The following MACROD2 variants were observed in gnomAD, a reference collection of about 807,000 sequenced individuals.
MACROD2 encodes the protein mono-ADP ribosylhydrolase 2, also known as ADP-ribose glycohydrolase MACROD2.
MACROD2 carries 36 observed loss-of-function variants against 70.4 expected under a neutral mutation model. The observed-to-expected ratio is 0.51, with a 90% CI of 0.39 to 0.68. MACROD2 has a LOEUF of 0.68. Ranked by LOEUF, MACROD2 falls within the 30% of genes least tolerant of loss-of-function variation. The pLI, the probability that MACROD2 is intolerant of heterozygous loss-of-function variation, is 0.00. For synonymous variants in MACROD2, 172 were observed against 178.8 expected, an observed-to-expected ratio of 0.96 and a Z score of 0.30; for missense variants, 496 against 538.4, an observed-to-expected ratio of 0.92 and a Z score of 0.78.
intron 3 of MACROD2, among the ~76,000 whole-genome samples, chr20:14,423,888 G>A (rs2083905456): frequency 6.8e-6 from 1 of 146,876 alleles, no homozygotes; most frequent in African/African-American, 2.5e-5. Context: ...CCAGCCTCCC[G>A]AGTAGCTGGC....
At chr20:14,792,944 T>C (rs1448978025) in intron 5 of MACROD2, among the ~76,000 whole-genome samples, 1 of 152,214 alleles carries the variant, frequency 6.6e-6, no homozygotes, top group East Asian at 1.9e-4. Flanking sequence ...AAAGTTATTT[T>C]GGATTTTTTT....
chr20:14,356,498 C>CTTT lies in MACROD2; in HGVS notation c.272-136960_272-136958dup, dbSNP rs71190132. Among the ~76,000 whole-genome samples, 322 of 76,680 alleles carry CTTT rather than the reference C, an allele frequency of 4.2e-3. 1 individual carries two copies. Among genetic ancestry groups the CTTT allele is most frequent in the Non-Finnish European group, 5.9e-3 (229 of 39,032 alleles). The allele number at this position is 76,680 out of a possible 152,430, so 50.3% of individuals were successfully genotyped here. ...ACCTGGGGGCTGGAGGATCTACTTT[C>CTTT]TTTTTTTTTTTTTTTTTTTTTTTCG... On this transcript the variant is annotated intron_variant, in intron 3 of 17. Coordinates refer to ENST00000684519, the MANE Select transcript of MACROD2 (RefSeq NM_001351661.2).
At chr20:15,217,732 T>C in intron 5 of MACROD2, among the ~76,000 whole-genome samples, 1 of 152,220 alleles carries the variant, frequency 6.6e-6, no homozygotes, top group East Asian at 1.9e-4. Context: ...CAACAGTATA[T>C]TATCAGGGAG....
At chr20:14,953,033 G>C (rs2074487920) in intron 5 of MACROD2, among the ~76,000 whole-genome samples, 1 of 151,848 alleles carries the variant, frequency 6.6e-6, no homozygotes, top group Non-Finnish European at 1.5e-5. Context: ...AGAAGACACA[G>C]TATACAGTGG....
chr20:14,034,651 T>C (rs935216492), intron 2 of MACROD2, among the ~76,000 whole-genome samples: 22 of 152,254 alleles, frequency 1.4e-4, no homozygotes, highest in African/African-American at 4.8e-4. Flanking sequence ...TTTAAAATCA[T>C]GAGTGAGATT....
chr20:14,911,105 C>T (rs1403007359), intron 5 of MACROD2, among the ~76,000 whole-genome samples: 1 of 152,118 alleles, frequency 6.6e-6, no homozygotes, highest in Non-Finnish European at 1.5e-5. Context: ...TATGAGTATG[C>T]TTCACACATT....
chr20:15,591,586 TAAAAAAAAAAAAA>T (rs11471295), intron 8 of MACROD2, among the ~76,000 whole-genome samples: 6 of 65,112 alleles, frequency 9.2e-5, no homozygotes, highest in Non-Finnish European at 1.5e-4. Flanking sequence ...AAGCCAGTAC[TAAAAAAAAAAAAA>T]AAAAAAAAAA....
intron 6 of MACROD2, among the ~76,000 whole-genome samples, chr20:15,335,020 G>A (rs113510135): frequency 6.6e-6 from 1 of 151,672 alleles, no homozygotes; most frequent in African/African-American, 2.4e-5. Flanking sequence ...AGTAGGCTGT[G>A]TTAGAAATTT....
At chr20:14,752,654 A>T (rs981524919) in intron 5 of MACROD2, among the ~76,000 whole-genome samples, 2 of 152,104 alleles carry the variant, frequency 1.3e-5, no homozygotes, top group African/African-American at 4.8e-5. Flanking sequence ...TACTTCGAGG[A>T]CTTTCCATTG....
intron 5 of MACROD2, among the ~76,000 whole-genome samples, chr20:15,185,366 T>G (rs1336021559): frequency 6.6e-6 from 1 of 152,202 alleles, no homozygotes; most frequent in East Asian, 1.9e-4. Flanking sequence ...TGGCTCATTC[T>G]ATGATTTCCA....
intron 5 of MACROD2, among the ~76,000 whole-genome samples, chr20:14,719,473 G>GAAAAAAAA (rs11087105): frequency 8.1e-5 from 11 of 136,308 alleles, no homozygotes; most frequent in Non-Finnish European, 9.4e-5. Context: ...AAGATAGAAA[G>GAAAAAAAA]AAAAAAAAAA....
intron 8 of MACROD2, among the ~76,000 whole-genome samples, chr20:15,826,283 G>A (rs771177593): frequency 6.6e-6 from 1 of 152,116 alleles, no homozygotes; most frequent in Non-Finnish European, 1.5e-5. Context: ...TCTGATAAGG[G>A]AATACGCATG....
At chr20:14,646,911 A>G (rs541324082) in intron 4 of MACROD2, among the ~76,000 whole-genome samples, 1 of 152,058 alleles carries the variant, frequency 6.6e-6, no homozygotes, top group Non-Finnish European at 1.5e-5. Context: ...CATCTGCTTC[A>G]TGCATATAAA....
chr20:15,398,272 TG>T (rs1401735910), intron 6 of MACROD2, among the ~76,000 whole-genome samples: 1 of 152,240 alleles, frequency 6.6e-6, no homozygotes, highest in Admixed American at 6.5e-5. Flanking sequence ...GCAAATATAC[TG>T]TCAACTCATA....
intron 10 of MACROD2, among the ~76,000 whole-genome samples, chr20:15,909,226 G>T (rs1019351790): frequency 6.6e-6 from 1 of 152,154 alleles, no homozygotes; most frequent in African/African-American, 2.4e-5. Flanking sequence ...CTACCAGCAT[G>T]GGGGGCTTAG....
chr20:14,298,568 CAAA>C (rs550543982), intron 3 of MACROD2, among the ~76,000 whole-genome samples: 3 of 35,094 alleles, frequency 8.5e-5, no homozygotes, highest in Non-Finnish European at 1.3e-4. Flanking sequence ...AACTCCACCT[CAAA>C]AAAAAAAAAA....
At chr20:15,660,212 A>G (rs1236923506) in intron 8 of MACROD2, among the ~76,000 whole-genome samples, 1 of 152,188 alleles carries the variant, frequency 6.6e-6, no homozygotes, top group Non-Finnish European at 1.5e-5. Context: ...TGATTGACTA[A>G]TTTTCAAACC....
At chr20:14,314,857 A>G (rs1336418288) in intron 3 of MACROD2, among the ~76,000 whole-genome samples, 1 of 152,176 alleles carries the variant, frequency 6.6e-6, no homozygotes, top group East Asian at 1.9e-4. Flanking sequence ...TACTTGAAAT[A>G]CATAATTTTT....
chr20:15,052,259 C>T (rs1159127190), intron 5 of MACROD2, among the ~76,000 whole-genome samples: 2 of 152,158 alleles, frequency 1.3e-5, no homozygotes, highest in Non-Finnish European at 2.9e-5. Flanking sequence ...TCTTTGTGTT[C>T]TCTGTGCCTA....
Sources: gnomAD v4.1 joint callset for allele counts (sites outside exome capture counted in the v4.1 genomes callset) on GRCh38, gnomAD v4.1.1 for gene constraint, MANE v1.5 for transcripts, NCBI Gene and HGNC (gene_info 2026-07-23, HGNC 2026-07-21) for gene names.